Variants in SURF4 observed in about 807,000 individuals in gnomAD.
SURF4 encodes the protein surfeit 4.
SURF4 carries 3 observed loss-of-function variants against 30.0 expected under a neutral mutation model. That is an observed-to-expected ratio of 0.10 (90% CI 0.05 to 0.26). The LOEUF (loss-of-function observed/expected upper bound fraction) is 0.26. Ranked by LOEUF, SURF4 falls within the 10% of genes least tolerant of loss-of-function variation. SURF4 has a pLI of 1.00. For synonymous variants in SURF4, 143 were observed against 139.9 expected (o/e 1.02, Z -0.16); for missense variants, 217 against 350.8 (o/e 0.62, Z 3.05).
At chr9:133,367,122 C>T in intron 2 of SURF4, 137 bp downstream of exon 2, 6 of 1,197,178 alleles carry the variant, frequency 5.0e-6, no homozygotes, top group Non-Finnish European at 7.0e-6. Flanking sequence ...TGGCCTGGCA[C>T]AGCTGAGCTG....
chr9:133,365,086 G>T, intron 4 of SURF4, 60 bp from the exon 5 acceptor site: 1 of 1,434,034 alleles, frequency 7.0e-7, no homozygotes, highest in Non-Finnish European at 9.2e-7. Flanking sequence ...CTGTCTGTGA[G>T]ACCAGGTGCA....
chr9:133,376,160 G>T, upstream of SURF4: 1 of 1,212,560 alleles, frequency 8.2e-7, no homozygotes, highest in Non-Finnish European at 1.0e-6. Context: ...CCGCCCCGGT[G>T]CGTCTTAAAG....
At chr9:133,372,909 C>T (rs1837586793) in intron 1 of SURF4, among the ~76,000 whole-genome samples, 1 of 152,198 alleles carries the variant, frequency 6.6e-6, no homozygotes, top group Admixed American at 6.5e-5. Flanking sequence ...AAGTAGCTGC[C>T]CTCCCAAGCT....
At chr9:133,373,641 G>C (rs899247787) in intron 1 of SURF4, among the ~76,000 whole-genome samples, 2 of 151,810 alleles carry the variant, frequency 1.3e-5, no homozygotes, top group Admixed American at 1.3e-4. Context: ...GAAAAGGCAG[G>C]GCAGGGTGGC....
intron 2 of SURF4, among the ~76,000 whole-genome samples, chr9:133,366,903 T>C (rs1837209217): frequency 6.6e-6 from 1 of 152,190 alleles, no homozygotes; most frequent in Non-Finnish European, 1.5e-5. Context: ...TCATAAAGAA[T>C]GGGCTGTTTC....
intron 1 of SURF4, among the ~76,000 whole-genome samples, chr9:133,372,212 C>CT (rs1837548412): frequency 2.0e-5 from 3 of 152,214 alleles, no homozygotes; most frequent in Admixed American, 6.5e-5. Flanking sequence ...CTGTCCCTGG[C>CT]TGCCAGAGCA....
intron 1 of SURF4, chr9:133,375,325 G>C: frequency 1.0e-6 from 1 of 984,628 alleles, no homozygotes; most frequent in South Asian, 4.7e-5. Flanking sequence ...TCCAGCCCAG[G>C]GCAGAGTCCA....
intron 1 of SURF4, among the ~76,000 whole-genome samples, chr9:133,373,137 G>A: frequency 6.6e-6 from 1 of 152,190 alleles, no homozygotes; most frequent in East Asian, 1.9e-4. Context: ...CAGGGGCTGG[G>A]GGCGCTGGGG....
chr9:133,375,887 G>A, intron 1 of SURF4, 35 bp downstream of exon 1: 1 of 1,220,526 alleles, frequency 8.2e-7, no homozygotes, highest in South Asian at 4.1e-5. Context: ...GCCTGGGTCG[G>A]GACCGGGGCC....
chr9:133,373,909 C>CAAAAAAAAAAAAAAAA (rs71824689), intron 1 of SURF4, among the ~76,000 whole-genome samples: 86 of 47,550 alleles, frequency 1.8e-3, no homozygotes, highest in Non-Finnish European at 2.1e-3. Flanking sequence ...AATTCTGTCT[C>CAAAAAAAAAAAAAAAA]AAAAAAAAAA....
chr9:133,375,944 G>A lies in SURF4; in HGVS notation c.26C>T (p.Thr9Met), dbSNP rs2130243344. The change falls in exon 1 of 6, where the codon ACG becomes ATG. Residue 9 changes from threonine to methionine, a missense_variant. Thr to Met is a moderately conservative substitution (Grantham distance 81). Transcript: ENST00000371989. MGQNDLMGTAEDFADQFLR... is the reference protein window; with the variant it reads MGQNDLMGMAEDFADQFLR... ...CACCTGGTCGGCGAAGTCCTCGGCC[G>A]TGCCCATCAGGTCGTTCTGGCCCAT... 1.6e-6 allele frequency: 2 copies of A among 1,234,060 alleles called. No individual in the cohort carries two copies. Among genetic ancestry groups the A allele is most frequent in the Non-Finnish European group, 2.0e-6 (2 of 984,558 alleles). 76.4% of individuals were successfully genotyped at this position (1,234,060 alleles called of 1,614,324 possible). A position where few individuals can be genotyped will look rare whatever the true frequency, so the allele number is the denominator to read the frequency against.
rs1443806808 is a variant in SURF4, at chr9:133,367,328, C to T, written c.166G>A (p.Asp56Asn). ...FQWSEQRDYI[D>N]TTWNCGYLLA... is the part of the protein sequence containing the mutation. ...AGGTAGCCGCAGTTCCAGGTGGTGT[C>T]GATGTAGTCGCGCTGCTCGCTCCAC... Residue 56 changes from aspartate to asparagine, a missense_variant, in exon 2 of 6, where the codon GAC (aspartate) becomes AAC (asparagine). By Grantham distance (23) the Asp-to-Asn change is conservative. Transcript: ENST00000371989. The T allele has an allele frequency of 4.3e-6, 7 of 1,614,128 alleles. No homozygotes were observed. The Admixed American group carries it at 5.0e-5, about 12-fold the overall frequency.
intron 1 of SURF4, 24 bp downstream of exon 1, chr9:133,375,897 CG>C (rs2130242956): frequency 4.1e-6 from 5 of 1,222,462 alleles, no homozygotes; most frequent in South Asian, 4.1e-5. Context: ...GGACCGGGGC[CG>C]GGGGAGGAGC....
rs185549868 is a variant in SURF4 at position 133,366,093 on chromosome 9, A to T, written c.313-65T>A. On this transcript the variant is annotated intron_variant, in intron 3 of 5. Coordinates refer to ENST00000371989, the MANE Select transcript of SURF4 (RefSeq NM_033161.4). Reference sequence around the variant, plus strand: ...TTCCAAAGGCATTTCCACAGACTTCATAATACATTAGGCCGTCTCTCCAAT... The same window carrying T: ...TTCCAAAGGCATTTCCACAGACTTCTTAATACATTAGGCCGTCTCTCCAAT... 1.5e-5 allele frequency: 22 copies of T among 1,496,604 alleles called. No homozygotes were observed. In the African/African-American group the frequency reaches 3.0e-4, roughly 21 times the overall value. 92.7% of individuals were successfully genotyped at this position (1,496,604 alleles called of 1,614,324 possible). A position where few individuals can be genotyped will look rare whatever the true frequency, so the allele number is the denominator to read the frequency against.
intron 1 of SURF4, among the ~76,000 whole-genome samples, chr9:133,369,988 T>C (rs1295292875): frequency 6.6e-6 from 1 of 152,092 alleles, no homozygotes; most frequent in Admixed American, 6.5e-5. Flanking sequence ...TAGACTGCAA[T>C]CCATACCCAA....
intron 1 of SURF4, among the ~76,000 whole-genome samples, chr9:133,369,487 T>C (rs1336496446): frequency 6.6e-6 from 1 of 152,174 alleles, no homozygotes; most frequent in African/African-American, 2.4e-5. Context: ...GCTTTCCAAC[T>C]TTACTAGGAG....
chr9:133,374,698 A>C (rs1182407736), intron 1 of SURF4, among the ~76,000 whole-genome samples: 1 of 152,224 alleles, frequency 6.6e-6, no homozygotes, highest in Admixed American at 6.5e-5. Flanking sequence ...GGCTCACAGA[A>C]AGTGTTGCAA....
upstream of SURF4, among the ~76,000 whole-genome samples, chr9:133,376,835 G>A (rs1254177491): frequency 6.6e-6 from 1 of 152,190 alleles, no homozygotes; most frequent in Admixed American, 6.5e-5. Flanking sequence ...TTCGTGCCTG[G>A]GGTCTGTGCG....
chr9:133,375,035 T>C (rs1049493034), intron 1 of SURF4, among the ~76,000 whole-genome samples: 2 of 152,238 alleles, frequency 1.3e-5, no homozygotes, highest in Non-Finnish European at 2.9e-5. Context: ...CGGGATTCTT[T>C]TAGAAGTAAA....
Sources: allele counts gnomAD v4.1 joint callset (sites outside exome capture counted in the v4.1 genomes callset), GRCh38; gene constraint gnomAD v4.1.1; transcripts MANE v1.5; gene names NCBI Gene and HGNC (gene_info 2026-07-23, HGNC 2026-07-21).